The following ST18 variants were observed in gnomAD, a reference collection of about 807,000 sequenced individuals.
ST18 encodes suppression of tumorigenicity 18 protein.
Under a neutral mutation model 110.0 loss-of-function variants are expected in ST18, and 50 were observed. The ratio of observed to expected loss-of-function variants is 0.45; its 90% CI spans 0.36 to 0.58. The LOEUF is 0.58. Among genes scored for constraint, ST18 ranks in the 20% least tolerant of loss-of-function variants. ST18 has a pLI of 0.00. For synonymous variants in ST18, 461 were observed against 452.4 expected, an observed-to-expected ratio of 1.02 and a Z score of -0.24; for missense variants, 1,306 against 1,280.1, an observed-to-expected ratio of 1.02 and a Z score of -0.31.
At chr8:52,188,456 A>C (rs963608041) in intron 8 of ST18, among the ~76,000 whole-genome samples, 10 of 152,342 alleles carry the variant, frequency 6.6e-5, no homozygotes, top group Middle Eastern at 3.4e-3. Flanking sequence ...GCTCAGGCAC[A>C]GTGAAGGAGG....
At chr8:52,262,446 C>G in intron 2 of ST18, among the ~76,000 whole-genome samples, 1 of 152,144 alleles carries the variant, frequency 6.6e-6, no homozygotes, top group East Asian at 1.9e-4. Context: ...AAGCTTTATT[C>G]CCTTCTACCG....
chr8:52,137,909 C>T (rs960971393), intron 17 of ST18: 10 of 165,222 alleles, frequency 6.1e-5, no homozygotes, highest in Non-Finnish European at 1.1e-4. Context: ...CGAGACCAGC[C>T]TGACCAACAT....
chr8:52,268,809 G>A (rs1191985181), intron 2 of ST18, among the ~76,000 whole-genome samples: 1 of 152,096 alleles, frequency 6.6e-6, no homozygotes, highest in African/African-American at 2.4e-5. Flanking sequence ...AAAGCTTCTC[G>A]ACAAGCACCA....
intron 2 of ST18, among the ~76,000 whole-genome samples, chr8:52,381,262 A>AG (rs1834408818): frequency 6.6e-6 from 1 of 152,120 alleles, no homozygotes; most frequent in Admixed American, 6.5e-5. Context: ...CTATCCAGTG[A>AG]GGGGGGTCAT....
chr8:52,158,851 C>T, intron 15 of ST18, 47 bp downstream of exon 15: 1 of 1,605,068 alleles, frequency 6.2e-7, no homozygotes, highest in Non-Finnish European at 8.5e-7. Context: ...AGTTTATTCT[C>T]ACAGTTCAGT....
intron 2 of ST18, among the ~76,000 whole-genome samples, chr8:52,357,704 TATATATATATATATATATATATATATAA>T (rs1278597549): frequency 1.8e-5 from 2 of 113,904 alleles, no homozygotes. Context: ...TATATATATA[TATATATATATATATATATATATATATAA>T]AACAGACTCA....
chr8:52,111,198 G>GATT lies in ST18; in HGVS notation c.*1997_*1999dup, dbSNP rs2040444124. On this transcript the variant is annotated 3_prime_UTR_variant, in exon 26 of 26. Transcript: ENST00000689386. The stretch of plus-strand genomic sequence containing the variant: ...GTAATAAATATGTAGGTTGGTAAGA[G>GATT]ATTTCTTTTAAATTAAATAAAATAT... 2.6e-6 allele frequency: 1 copy of GATT among 378,810 alleles called. No homozygotes were observed. Among genetic ancestry groups the GATT allele is most frequent in the Non-Finnish European group, 4.7e-6 (1 of 213,628 alleles). 23.5% of individuals were successfully genotyped at this position (378,810 alleles called of 1,614,324 possible).
intron 8 of ST18, among the ~76,000 whole-genome samples, chr8:52,200,271 CAGA>C (rs1392324596): frequency 6.6e-6 from 1 of 151,986 alleles, no homozygotes; most frequent in East Asian, 1.9e-4. Context: ...AAAAATAAAG[CAGA>C]AGGAGAATAA....
chr8:52,237,548 C>T (rs1446626212), intron 2 of ST18, among the ~76,000 whole-genome samples: 2 of 152,186 alleles, frequency 1.3e-5, no homozygotes, highest in African/African-American at 4.8e-5. Flanking sequence ...GGATTGGACT[C>T]TTGCACTAAA....
rs2040650091 is a variant in ST18 at position 52,111,936 on chromosome 8, G to GTGTGGATGAGTC, written c.*1250_*1261dup. Reference sequence around the variant, plus strand: ...TTCAAGATTGTGGGCTCAATTTGAAGTGTGGATGAGTCTGTGTGTGTGTGT... The same window carrying GTGTGGATGAGTC: ...TTCAAGATTGTGGGCTCAATTTGAAGTGTGGATGAGTCTGTGGATGAGTCTGTGTGTGTGTGT... On this transcript the variant is annotated 3_prime_UTR_variant, in exon 26 of 26. Coordinates refer to ENST00000689386, the MANE Select transcript of ST18 (RefSeq NM_001352837.2). The GTGTGGATGAGTC allele has an allele frequency of 1.3e-5, 2 of 152,448 alleles. No homozygotes were observed. The highest frequency in any genetic ancestry group is 1.3e-4 in the Admixed American group (2 of 15,244). The allele number at this position is 152,448 out of a possible 1,614,324, so 9.4% of individuals were successfully genotyped here. A position where few individuals can be genotyped will look rare whatever the true frequency, so the allele number is the denominator to read the frequency against.
intron 2 of ST18, among the ~76,000 whole-genome samples, chr8:52,306,292 T>G (rs1038506752): frequency 6.6e-6 from 1 of 152,222 alleles, no homozygotes; most frequent in Non-Finnish European, 1.5e-5. Flanking sequence ...TCTGGCATGC[T>G]CAACAATTCC....
chr8:52,328,015 T>A (rs757297329), intron 2 of ST18, among the ~76,000 whole-genome samples: 5 of 152,224 alleles, frequency 3.3e-5, no homozygotes, highest in Non-Finnish European at 7.3e-5. Context: ...GGAGGAGGAA[T>A]GTTTTCTTTC....
At chr8:52,177,538 G>T (rs1474693536) in intron 9 of ST18, among the ~76,000 whole-genome samples, 1 of 152,118 alleles carries the variant, frequency 6.6e-6, no homozygotes, top group Admixed American at 6.5e-5. Context: ...CTCCTAGGGG[G>T]TGGGGGGTAA....
intron 15 of ST18, among the ~76,000 whole-genome samples, chr8:52,151,197 C>T (rs902042503): frequency 1.3e-5 from 2 of 152,156 alleles, no homozygotes; most frequent in Non-Finnish European, 1.5e-5. Flanking sequence ...AACAACCCCC[C>T]ACTCCCAACC....
At chr8:52,175,013 C>T (rs1053701583) in intron 9 of ST18, among the ~76,000 whole-genome samples, 2 of 152,098 alleles carry the variant, frequency 1.3e-5, no homozygotes, top group South Asian at 4.1e-4. Context: ...GTGCCTCTGC[C>T]ACTGAACTGA....
chr8:52,302,226 C>A (rs1208029422), intron 2 of ST18, among the ~76,000 whole-genome samples: 1 of 152,100 alleles, frequency 6.6e-6, no homozygotes, highest in Non-Finnish European at 1.5e-5. Flanking sequence ...ACATTCAAAG[C>A]CACGTCTCCC....
At chr8:52,323,056 C>G (rs767904094) in intron 2 of ST18, among the ~76,000 whole-genome samples, 1 of 152,242 alleles carries the variant, frequency 6.6e-6, no homozygotes, top group African/African-American at 2.4e-5. Context: ...GACCTAGCTC[C>G]TCGGAGGAGT....
Position 52,161,476 on chromosome 8 carries a change from C to T in ST18, c.1493G>A (p.Gly498Glu), listed in dbSNP as rs267601945. 1.2e-6 allele frequency: 2 copies of T among 1,614,204 alleles called. No homozygotes were observed. Among genetic ancestry groups the T allele is most frequent in the South Asian group, 2.2e-5 (2 of 91,086 alleles). Reference sequence around the variant, plus strand: ...ACTGGCATAATCAAATGGTACTTTTCCAAACTTCTCTTGTTCTTTTGACAC... The same window carrying T: ...ACTGGCATAATCAAATGGTACTTTTTCAAACTTCTCTTGTTCTTTTGACAC... ...ATVSKEQEKF[G>E]KVPFDYASFD... Residue 498 changes from glycine (G) to glutamate (E), a missense_variant, in exon 14 of 26, where the codon GGA (glycine) becomes GAA (glutamate). By Grantham distance (98) the Gly-to-Glu change is moderately conservative. Transcript: ENST00000689386.
At chr8:52,312,235 C>CT (rs891358415) in intron 2 of ST18, among the ~76,000 whole-genome samples, 25 of 152,164 alleles carry the variant, frequency 1.6e-4, no homozygotes, top group African/African-American at 6.0e-4. Context: ...GATTGATCTA[C>CT]TTCTCAAGGT....
Sources: gnomAD v4.1 joint callset for allele counts (sites outside exome capture counted in the v4.1 genomes callset) on GRCh38, gnomAD v4.1.1 for gene constraint, MANE v1.5 for transcripts, NCBI Gene and HGNC (gene_info 2026-07-23, HGNC 2026-07-21) for gene names.